The following GJA3 variants were observed in gnomAD, a reference collection of about 807,000 sequenced individuals.
The protein encoded by GJA3 is gap junction protein alpha 3.
For synonymous variants in GJA3, 297 were observed against 292.6 expected (o/e 1.02, Z -0.15); for missense variants, 571 against 620.3 (o/e 0.92, Z 0.84).
chr13:20,141,914 T>G lies in GJA3; in HGVS notation c.*67A>C. ...TCAGGTTCTATCTGCTGGTGGGAAG[T>G]GCACTTTGGTTTTGGTTTCTAAGAA... is the stretch of plus-strand genomic sequence containing the variant. On this transcript the variant is annotated 3_prime_UTR_variant, in exon 2 of 2. Transcript: ENST00000241125. 1 of 1,534,184 alleles carries G rather than the reference T, an allele frequency of 6.5e-7. No individual in the cohort carries two copies. Among genetic ancestry groups the G allele is most frequent in the Non-Finnish European group, 8.8e-7 (1 of 1,134,866 alleles).
chr13:20,156,412 T>G (rs1016945289), intron 1 of GJA3, among the ~76,000 whole-genome samples: 1 of 152,158 alleles, frequency 6.6e-6, no homozygotes, highest in Non-Finnish European at 1.5e-5. Context: ...GTTCAAGCAA[T>G]TCTCGGGCCT....
chr13:20,157,987 C>T (rs1354973486), intron 1 of GJA3, among the ~76,000 whole-genome samples: 1 of 151,998 alleles, frequency 6.6e-6, no homozygotes, highest in Non-Finnish European at 1.5e-5. Context: ...GTTTGTACCA[C>T]CACACTGGGC....
At chr13:20,150,168 G>A (rs1958868177) in intron 1 of GJA3, among the ~76,000 whole-genome samples, 1 of 152,194 alleles carries the variant, frequency 6.6e-6, no homozygotes, top group Non-Finnish European at 1.5e-5. Flanking sequence ...AGAAGTTGGG[G>A]CAAGTGCTGA....
Position 20,140,956 on chromosome 13 carries a change from C to T in GJA3, c.*1025G>A, listed in dbSNP as rs1200560119. 1 of 152,182 alleles carries T rather than the reference C, an allele frequency of 6.6e-6. No individual in the cohort carries two copies. Among genetic ancestry groups the T allele is most frequent in the Non-Finnish European group, 1.5e-5 (1 of 68,028 alleles). 9.4% of individuals were successfully genotyped at this position (152,182 alleles called of 1,614,324 possible). ...TCTATTTGAATGCACTTAAAACTTTCCCCTGCTTTTGTTTTATATAATACA... is the reference window on the plus strand; with the variant it reads ...TCTATTTGAATGCACTTAAAACTTTTCCCTGCTTTTGTTTTATATAATACA... On this transcript the variant is annotated 3_prime_UTR_variant, in exon 2 of 2. Coordinates refer to ENST00000241125, the MANE Select transcript of GJA3 (RefSeq NM_021954.4).
intron 1 of GJA3, among the ~76,000 whole-genome samples, chr13:20,158,608 A>T (rs1430579321): frequency 6.6e-6 from 1 of 152,068 alleles, no homozygotes; most frequent in Admixed American, 6.6e-5. Context: ...GATGTACAGG[A>T]GTTTTAAAAA....
Position 20,142,388 on chromosome 13 carries a change from C to G in GJA3, c.901G>C (p.Ala301Pro). ...CCCTTTCCGCGCGCCTCGGTCAGGGCTAGCAGTTTGAAGTCCGCGGCTGGT... is the reference window on the plus strand; with the variant it reads ...CCCTTTCCGCGCGCCTCGGTCAGGGGTAGCAGTTTGAAGTCCGCGGCTGGT... ...PPPAADFKLL[A>P]LTEARGKGQS... is the part of the protein sequence containing the mutation. Residue 301 changes from alanine (A) to proline (P), a missense_variant, in exon 2 of 2, where the codon GCC (alanine) becomes CCC (proline). Ala to Pro is a conservative substitution (Grantham distance 27, BLOSUM62 -1). Transcript: ENST00000241125. 1.3e-6 allele frequency: 2 copies of G among 1,524,900 alleles called. No individual in the cohort carries two copies. The highest frequency in any genetic ancestry group is 1.8e-6 in the Non-Finnish European group (2 of 1,136,700). 94.5% of individuals were successfully genotyped at this position (1,524,900 alleles called of 1,614,324 possible). A position where few individuals can be genotyped will look rare whatever the true frequency, so the allele number is the denominator to read the frequency against.
chr13:20,144,790 G>C (rs558256139), intron 1 of GJA3, among the ~76,000 whole-genome samples: 41 of 152,334 alleles, frequency 2.7e-4, no homozygotes, highest in African/African-American at 9.6e-4. Context: ...AATGGGAACA[G>C]AAAAACAGCT....
intron 1 of GJA3, among the ~76,000 whole-genome samples, chr13:20,153,223 G>T (rs970378058): frequency 3.3e-5 from 5 of 152,088 alleles, no homozygotes; most frequent in Admixed American, 6.6e-5. Flanking sequence ...AGGAACAAAA[G>T]ACCTTTTCTT....
In GJA3 at chr13:20,143,379, A is replaced by G. The variant is rs549982188; in HGVS notation, c.-17-74T>C. The G allele has an allele frequency of 1.8e-5, 19 of 1,065,168 alleles. No homozygotes were observed. The South Asian group carries it at 2.7e-4, about 15-fold the overall frequency. 66.0% of individuals were successfully genotyped at this position (1,065,168 alleles called of 1,614,324 possible). On this transcript the variant is annotated intron_variant, in intron 1 of 1. Coordinates refer to ENST00000241125, the MANE Select transcript of GJA3 (RefSeq NM_021954.4). ...CGGGTCCGCACCCATGGGCGGCGGC[A>G]GCGGCCTGGATGGTACTGGGATGGG...
At chr13:20,146,309 G>C (rs1048919524) in intron 1 of GJA3, among the ~76,000 whole-genome samples, 1 of 152,206 alleles carries the variant, frequency 6.6e-6, no homozygotes, top group Admixed American at 6.5e-5. Context: ...ATGTTCTGCC[G>C]TGTTTGGGGT....
In GJA3 at chr13:20,142,881, G is replaced by T; in HGVS notation, c.408C>A (p.Arg136=). 1 of 1,604,920 alleles carries T rather than the reference G, an allele frequency of 6.2e-7. No homozygotes were observed. Among genetic ancestry groups the T allele is most frequent in the South Asian group, 1.1e-5 (1 of 90,210 alleles). Residue 136 remains arginine, a synonymous_variant, in exon 2 of 2, where the codon CGC becomes CGA. Coordinates refer to ENST00000241125, the MANE Select transcript of GJA3 (RefSeq NM_021954.4). Reference sequence around the variant, plus strand: ...GCGCCCCGGCCATGCGCACCCTGCCGCGGTCGTCCCGCGACGAGGGATTGT... The same window carrying T: ...GCGCCCCGGCCATGCGCACCCTGCCTCGGTCGTCCCGCGACGAGGGATTGT... ...PQDNPSSRDD[R]GRVRMAGALL... is the part of the protein sequence containing the mutation.
chr13:20,143,058 G>A lies in GJA3; in HGVS notation c.231C>T (p.Phe77=), dbSNP rs143508620. 1.4e-3 allele frequency: 2,311 copies of A among 1,613,844 alleles called. 22 individuals carry two copies. The highest frequency in any genetic ancestry group is 3.3e-4 in the Non-Finnish European group (393 of 1,179,888). The change falls in exon 2 of 2, where the codon TTC becomes TTT. Residue 77 remains phenylalanine, a synonymous_variant. Transcript: ENST00000241125. ...DRAFPISHIR[F]WALQIIFVST... ...ACACGAAGATGATCTGCAGCGCCCAGAAGCGGATGTGGGAGATGGGGAAGG... is the reference window on the plus strand; with the variant it reads ...ACACGAAGATGATCTGCAGCGCCCAAAAGCGGATGTGGGAGATGGGGAAGG...
At chr13:20,156,058 T>C (rs1466278256) in intron 1 of GJA3, among the ~76,000 whole-genome samples, 4 of 152,198 alleles carry the variant, frequency 2.6e-5, no homozygotes, top group African/African-American at 9.6e-5. Context: ...ATATTTTAAA[T>C]GTACTTATGA....
chr13:20,146,901 A>T (rs1958846017), intron 1 of GJA3, among the ~76,000 whole-genome samples: 1 of 152,198 alleles, frequency 6.6e-6, no homozygotes, highest in South Asian at 2.1e-4. Flanking sequence ...GCCGTGGCTG[A>T]CACCGTGCTC....
Position 20,152,274 on chromosome 13 carries a change from G to A in GJA3, c.-18+8616C>T, listed in dbSNP as rs148451792. Among the ~76,000 whole-genome samples, 274 of 150,370 alleles carry A rather than the reference G, an allele frequency of 1.8e-3. 1 individual carries two copies. Among genetic ancestry groups the A allele is most frequent in the Middle Eastern group, 0.01 (3 of 294 alleles). On this transcript the variant is annotated intron_variant, in intron 1 of 1. Coordinates refer to ENST00000241125, the MANE Select transcript of GJA3 (RefSeq NM_021954.4). ...AGATGGGCCGGGCACCTGCAGAGGA[G>A]CTGATCACCACCAAGTGCAAGTTTT...
chr13:20,147,012 G>C (rs1958846931), intron 1 of GJA3, among the ~76,000 whole-genome samples: 1 of 152,228 alleles, frequency 6.6e-6, no homozygotes, highest in African/African-American at 2.4e-5. Context: ...TGTGGCTGGA[G>C]GTGAATAGAA....
chr13:20,146,737 C>A (rs1442021977), intron 1 of GJA3, among the ~76,000 whole-genome samples: 2 of 152,226 alleles, frequency 1.3e-5, no homozygotes, highest in Non-Finnish European at 2.9e-5. Flanking sequence ...ATACCTTTGA[C>A]CTCTAATTCT....
In GJA3 at chr13:20,141,723, TTAA is replaced by T; in HGVS notation, c.*255_*257del. The stretch of plus-strand genomic sequence containing the variant: ...AGATTTCTGGGCTGCTGTGAAGATC[TTAA>T]AGGCCCACAACCCTTGTCCCCGCCA... On this transcript the variant is annotated 3_prime_UTR_variant, in exon 2 of 2. Transcript: ENST00000241125. The T allele has an allele frequency of 1.9e-6, 1 of 533,642 alleles. No individual in the cohort carries two copies. The highest frequency in any genetic ancestry group is 3.4e-5 in the Admixed American group (1 of 29,244). 33.1% of individuals were successfully genotyped at this position (533,642 alleles called of 1,614,324 possible).
upstream of GJA3, among the ~76,000 whole-genome samples, chr13:20,161,561 C>T (rs1275002900): frequency 2.0e-5 from 3 of 152,230 alleles, no homozygotes; most frequent in East Asian, 1.9e-4. Context: ...GGGTTCCGGA[C>T]GGCTGGCGCG....
Sources: allele counts gnomAD v4.1 joint callset (sites outside exome capture counted in the v4.1 genomes callset), GRCh38; gene constraint gnomAD v4.1.1; transcripts MANE v1.5; gene names NCBI Gene and HGNC (gene_info 2026-07-23, HGNC 2026-07-21).